Variants in ST7 observed in about 807,000 individuals in gnomAD.
The protein encoded by ST7 is suppression of tumorigenicity 7.
In ST7, 28 loss-of-function variants were observed where a neutral mutation model predicts 78.7. The observed-to-expected ratio is 0.36, with a 90% CI of 0.26 to 0.49. ST7 has a LOEUF of 0.49. ST7 is among the 20% of genes least tolerant of loss of function. The probability of loss-of-function intolerance (pLI) is 0.99; values close to 1 mark genes in which losing one functional copy is unlikely to be tolerated. For synonymous variants in ST7, 247 were observed against 249.6 expected, an observed-to-expected ratio of 0.99 and a Z score of 0.10; for missense variants, 418 against 696.0, an observed-to-expected ratio of 0.60 and a Z score of 4.49.
intron 1 of ST7, among the ~76,000 whole-genome samples, chr7:116,987,752 C>G (rs1794249376): frequency 6.6e-6 from 1 of 152,212 alleles, no homozygotes; most frequent in African/African-American, 2.4e-5. Context: ...GACACGGAGT[C>G]TCACTCTGTT....
chr7:117,099,706 C>T, intron 1 of ST7, 56 bp from the exon 2 acceptor site: 3 of 1,276,606 alleles, frequency 2.3e-6, no homozygotes, highest in Non-Finnish European at 3.3e-6. Flanking sequence ...GCTGGTTTTA[C>T]TGACATACTC....
chr7:117,145,727 T>C (rs1805730331), intron 9 of ST7: 1 of 152,230 alleles, frequency 6.6e-6, no homozygotes, highest in Admixed American at 6.5e-5. Flanking sequence ...GATCTCAACA[T>C]GTCTTTCTGG....
intron 1 of ST7, among the ~76,000 whole-genome samples, chr7:117,052,994 T>C (rs898148069): frequency 1.3e-5 from 2 of 152,248 alleles, no homozygotes; most frequent in Admixed American, 6.5e-5. Context: ...CTTAACATTC[T>C]GACTCTTTTC....
intron 9 of ST7, among the ~76,000 whole-genome samples, chr7:117,168,842 T>C (rs1807762662): frequency 1.3e-5 from 2 of 152,254 alleles, no homozygotes; most frequent in South Asian, 4.1e-4. Flanking sequence ...GTCAATGCAG[T>C]GTATTCACTG....
intron 1 of ST7, chr7:116,972,150 G>A (rs907077534): frequency 3.6e-6 from 2 of 555,310 alleles, no homozygotes; most frequent in Non-Finnish European, 3.5e-6. Context: ...CAGCAGCAGG[G>A]TGGGACTGGG....
At chr7:117,119,782 C>T (rs1803212670) in intron 3 of ST7, 62 bp downstream of exon 3, 2 of 1,543,174 alleles carry the variant, frequency 1.3e-6, no homozygotes, top group East Asian at 2.3e-5. Context: ...ATTATTGTTA[C>T]TCATACTAAG....
intron 7 of ST7, among the ~76,000 whole-genome samples, chr7:117,134,983 T>C (rs1463064409): frequency 6.6e-6 from 1 of 152,090 alleles, no homozygotes; most frequent in Non-Finnish European, 1.5e-5. Flanking sequence ...CTCCTTTTCC[T>C]AGCTGGCTAT....
At chr7:117,214,484 G>A (rs1792533469) in intron 13 of ST7, among the ~76,000 whole-genome samples, 2 of 152,100 alleles carry the variant, frequency 1.3e-5, no homozygotes, top group Admixed American at 6.5e-5. Flanking sequence ...GGTTCTTAGG[G>A]CATTTCCTCT....
At chr7:117,014,849 C>T (rs911454467) in intron 1 of ST7, 3 of 487,168 alleles carry the variant, frequency 6.2e-6, no homozygotes, top group African/African-American at 2.0e-5. Flanking sequence ...CAGCCGTTGC[C>T]GCTTGAGAGA....
intron 1 of ST7, among the ~76,000 whole-genome samples, chr7:116,982,196 GCTT>G (rs1257715466): frequency 2.0e-5 from 3 of 152,038 alleles, no homozygotes; most frequent in Non-Finnish European, 4.4e-5. Flanking sequence ...TGCTGCTGCT[GCTT>G]CTTCTTTTTA....
At chr7:117,193,674 C>T (rs972524044) in intron 12 of ST7, among the ~76,000 whole-genome samples, 1 of 152,228 alleles carries the variant, frequency 6.6e-6, no homozygotes, top group African/African-American at 2.4e-5. Flanking sequence ...ACATTCAATC[C>T]CTTAAGGACA....
intron 1 of ST7, among the ~76,000 whole-genome samples, chr7:117,017,319 T>C (rs1795662416): frequency 6.6e-6 from 1 of 152,128 alleles, no homozygotes; most frequent in Non-Finnish European, 1.5e-5. Flanking sequence ...ATGCCTAGAG[T>C]GTAGAACAGT....
At chr7:117,022,759 G>A (rs1795989647) in intron 1 of ST7, 1 of 152,128 alleles carries the variant, frequency 6.6e-6, no homozygotes, top group Admixed American at 6.5e-5. Context: ...CTGATTTCGT[G>A]ATTCTTACCC....
At chr7:117,088,980 A>G (rs1396788403) in intron 1 of ST7, among the ~76,000 whole-genome samples, 2 of 152,220 alleles carry the variant, frequency 1.3e-5, no homozygotes, top group Non-Finnish European at 2.9e-5. Context: ...ATAAGCATAA[A>G]ATAATTACCA....
chr7:117,174,550 C>G (rs1808224230), intron 10 of ST7, among the ~76,000 whole-genome samples: 1 of 152,134 alleles, frequency 6.6e-6, no homozygotes, highest in African/African-American at 2.4e-5. Flanking sequence ...GTGAATTCTA[C>G]AAGTAAAGGA....
At chr7:116,971,778 A>C (rs1010094590) in intron 1 of ST7, among the ~76,000 whole-genome samples, 1 of 152,034 alleles carries the variant, frequency 6.6e-6, no homozygotes, top group African/African-American at 2.4e-5. Context: ...CTGAAAAGTC[A>C]CCTTCCAAAA....
intron 15 of ST7, among the ~76,000 whole-genome samples, chr7:117,227,402 C>T (rs954250571): frequency 7.9e-5 from 12 of 152,198 alleles, no homozygotes; most frequent in Admixed American, 5.9e-4. Flanking sequence ...TTATTAAGCC[C>T]TATCTTCCAC....
intron 1 of ST7, chr7:117,014,843 C>T (rs1795534030): frequency 6.8e-6 from 3 of 443,476 alleles, no homozygotes; most frequent in Non-Finnish European, 1.1e-5. Flanking sequence ...AGAGCCCAGC[C>T]GTTGCCGCTT....
chr7:117,013,399 C>T (rs952698754), intron 1 of ST7, among the ~76,000 whole-genome samples: 1 of 152,160 alleles, frequency 6.6e-6, no homozygotes, highest in Admixed American at 6.5e-5. Flanking sequence ...CACTTAGCAA[C>T]AGTGACAGGT....
Sources: allele counts gnomAD v4.1 joint callset (sites outside exome capture counted in the v4.1 genomes callset), GRCh38; gene constraint gnomAD v4.1.1; transcripts MANE v1.5; gene names NCBI Gene and HGNC (gene_info 2026-07-23, HGNC 2026-07-21).